Variants in SYN3 observed in about 807,000 individuals in gnomAD.
The protein encoded by SYN3 is synapsin-3.
SYN3 carries 35 observed loss-of-function variants against 65.8 expected under a neutral mutation model. The ratio of observed to expected loss-of-function variants is 0.53; its 90% CI spans 0.41 to 0.70. The LOEUF (loss-of-function observed/expected upper bound fraction) is 0.70, where lower values mean the gene tolerates loss of function less well. Ranked by LOEUF, SYN3 falls within the 30% of genes least tolerant of loss-of-function variation. The pLI is 0.00. For synonymous variants in SYN3, 270 were observed against 292.9 expected (o/e 0.92, Z 0.80); for missense variants, 680 against 749.0 (o/e 0.91, Z 1.08).
At chr22:33,043,000 T>C (rs544259289) in intron 1 of SYN3, among the ~76,000 whole-genome samples, 2 of 152,204 alleles carry the variant, frequency 1.3e-5, no homozygotes, top group Non-Finnish European at 1.5e-5. Context: ...TATACCCTTT[T>C]GTTATTAACC....
At chr22:32,657,385 AG>A (rs2060157264) in intron 6 of SYN3, among the ~76,000 whole-genome samples, 1 of 150,506 alleles carries the variant, frequency 6.6e-6, no homozygotes, top group Admixed American at 6.6e-5. Context: ...AGCCTCCCAA[AG>A]TGCTGGGATT....
chr22:32,515,261 GTGA>G (rs778052344), intron 13 of SYN3, among the ~76,000 whole-genome samples: 9 of 152,238 alleles, frequency 5.9e-5, no homozygotes, highest in Non-Finnish European at 8.8e-5. Flanking sequence ...TGTCTGTCCT[GTGA>G]TTAGTTGGCT....
At chr22:32,561,334 A>G (rs2058583943) in intron 7 of SYN3, among the ~76,000 whole-genome samples, 1 of 152,148 alleles carries the variant, frequency 6.6e-6, no homozygotes, top group Admixed American at 6.5e-5. Flanking sequence ...GGCCAGTTTG[A>G]ACTGGAATTT....
intron 6 of SYN3, among the ~76,000 whole-genome samples, chr22:32,647,829 G>A (rs2060005753): frequency 6.6e-6 from 1 of 152,020 alleles, no homozygotes; most frequent in Non-Finnish European, 1.5e-5. Context: ...GGCTGGTCTC[G>A]AACTCCTGAC....
chr22:32,725,879 T>C lies in SYN3; in HGVS notation c.712-129143A>G, dbSNP rs1194963651. ...ATATTTAGTCTGACGTTGGTCACTG[T>C]AGCTCTATTCTCCGCTATGTGTAGT... is the stretch of plus-strand genomic sequence containing the variant. On this transcript the variant is annotated intron_variant, in intron 6 of 13. Coordinates refer to ENST00000358763, the MANE Select transcript of SYN3 (RefSeq NM_003490.4). 2.6e-5 allele frequency among the ~76,000 whole-genome samples: 4 copies of C among 152,236 alleles called. No homozygotes were observed. The East Asian group carries it at 7.7e-4, about 29-fold the overall frequency.
At chr22:32,857,232 G>A (rs1405241482) in intron 6 of SYN3, 1 of 1,594,070 alleles carries the variant, frequency 6.3e-7, no homozygotes, top group Non-Finnish European at 8.6e-7. Flanking sequence ...AAGTCATGAT[G>A]TTCCTTTTGC....
intron 6 of SYN3, among the ~76,000 whole-genome samples, chr22:32,774,580 T>C (rs1274844860): frequency 2.1e-5 from 3 of 146,316 alleles, no homozygotes; most frequent in Non-Finnish European, 3.0e-5. Flanking sequence ...CCCTCTCCTC[T>C]GTTTTAAGCA....
intron 6 of SYN3, among the ~76,000 whole-genome samples, chr22:32,667,087 T>C (rs978581473): frequency 6.6e-6 from 1 of 152,226 alleles, no homozygotes; most frequent in African/African-American, 2.4e-5. Context: ...ATGCCCCTTT[T>C]TGTTTTATTC....
chr22:32,546,107 T>C (rs970457346), intron 7 of SYN3, among the ~76,000 whole-genome samples: 1 of 152,134 alleles, frequency 6.6e-6, no homozygotes, highest in Non-Finnish European at 1.5e-5. Context: ...ATGTTCTTTT[T>C]CTTTACAGAG....
chr22:32,950,903 C>T (rs2051270924), intron 3 of SYN3, among the ~76,000 whole-genome samples: 1 of 152,032 alleles, frequency 6.6e-6, no homozygotes, highest in Non-Finnish European at 1.5e-5. Flanking sequence ...TGGTGATTGT[C>T]AAGGAAGGAT....
intron 1 of SYN3, among the ~76,000 whole-genome samples, chr22:33,048,841 G>C (rs1347366412): frequency 1.3e-5 from 2 of 152,178 alleles, no homozygotes; most frequent in Non-Finnish European, 2.9e-5. Context: ...TATCCAAACT[G>C]AATGACGGAA....
At chr22:32,597,239 A>G (rs5998550) in intron 6 of SYN3, among the ~76,000 whole-genome samples, 34,000 of 102,330 alleles carry the variant, frequency 0.33, 6,204 homozygotes, top group Middle Eastern at 0.48. Context: ...TTTTTGGGAC[A>G]AGTCTTGCTC....
intron 2 of SYN3, among the ~76,000 whole-genome samples, chr22:32,993,833 C>T (rs902144871): frequency 2.0e-5 from 3 of 152,196 alleles, no homozygotes; most frequent in Non-Finnish European, 2.9e-5. Context: ...CAAGACCCCA[C>T]AGCATCTGCA....
intron 7 of SYN3, among the ~76,000 whole-genome samples, chr22:32,560,120 A>G (rs540400589): frequency 3.9e-5 from 6 of 152,226 alleles, no homozygotes; most frequent in Non-Finnish European, 7.3e-5. Context: ...GGGAAGAATC[A>G]GGGGAGAAGG....
chr22:32,896,355 C>T (rs975634360), intron 4 of SYN3, among the ~76,000 whole-genome samples: 1 of 152,284 alleles, frequency 6.6e-6, no homozygotes, highest in South Asian at 2.1e-4. Flanking sequence ...ACTCGGGAGG[C>T]TGAGGCAGGA....
chr22:32,530,737 G>A (rs2058054341), intron 10 of SYN3, among the ~76,000 whole-genome samples: 1 of 152,120 alleles, frequency 6.6e-6, no homozygotes, highest in Non-Finnish European at 1.5e-5. Flanking sequence ...GGGCGCGGTG[G>A]CTCACGCCTG....
chr22:32,518,391 G>T, intron 12 of SYN3, 57 bp from the exon 13 acceptor site: 3 of 1,589,824 alleles, frequency 1.9e-6, no homozygotes, highest in Non-Finnish European at 2.6e-6. Flanking sequence ...GATAGATATG[G>T]CTGTACACAA....
intron 6 of SYN3, among the ~76,000 whole-genome samples, chr22:32,735,368 C>T (rs925096863): frequency 2.0e-5 from 3 of 152,162 alleles, no homozygotes; most frequent in African/African-American, 4.8e-5. Flanking sequence ...GTACTTGGCA[C>T]GTAGTAAATT....
At chr22:32,882,765 T>G (rs2146427374) in intron 4 of SYN3, among the ~76,000 whole-genome samples, 1 of 152,314 alleles carries the variant, frequency 6.6e-6, no homozygotes, top group South Asian at 2.1e-4. Context: ...ATGTTAATAT[T>G]TGTCAAAGTA....
Sources: gnomAD v4.1 joint callset for allele counts (sites outside exome capture counted in the v4.1 genomes callset) on GRCh38, gnomAD v4.1.1 for gene constraint, MANE v1.5 for transcripts, NCBI Gene and HGNC (gene_info 2026-07-23, HGNC 2026-07-21) for gene names.